PDE4D: variants seen among roughly 807,000 people sequenced by gnomAD.
The protein encoded by PDE4D is phosphodiesterase 4D, also known as 3',5'-cyclic-AMP phosphodiesterase 4D.
In PDE4D, 24 loss-of-function variants were observed where a neutral mutation model predicts 87.4. The ratio of observed to expected loss-of-function variants is 0.27; its 90% CI spans 0.20 to 0.39. The LOEUF (loss-of-function observed/expected upper bound fraction) is 0.39. PDE4D is among the 10% of genes least tolerant of loss of function. The pLI is 1.00. For missense variants in PDE4D, 714 were observed against 1,041.0 expected (o/e 0.69, Z 4.32); for synonymous variants, 384 against 383.2 (o/e 1.00, Z -0.02).
chr5:60,152,650 C>G (rs1388287815), intron 2 of PDE4D, among the ~76,000 whole-genome samples: 1 of 68,222 alleles, frequency 1.5e-5, no homozygotes, highest in Admixed American at 1.5e-4. Context: ...AAGACTCTGT[C>G]TCAAAAAAAA....
intron 1 of PDE4D, among the ~76,000 whole-genome samples, chr5:60,334,503 G>C (rs1321197960): frequency 6.6e-6 from 1 of 152,106 alleles, no homozygotes; most frequent in African/African-American, 2.4e-5. Context: ...CTAAGCATCA[G>C]GATTTCTGAG....
rs540943640 is a variant in PDE4D, at chr5:59,966,637, C to T, written c.272+21851G>A. 1.5e-3 allele frequency among the ~76,000 whole-genome samples: 223 copies of T among 152,218 alleles called. 2 individuals are homozygous for T. Among genetic ancestry groups the T allele is most frequent in the Non-Finnish European group, 2.2e-3 (152 of 68,006 alleles). The stretch of plus-strand genomic sequence containing the variant: ...AATGGTACAGATGTTTCAACTGATG[C>T]CAATTTTATTTTTGCAAATGTCATC... On this transcript the variant is annotated intron_variant, in intron 3 of 16. Transcript: ENST00000502484.
chr5:59,800,934 G>C (rs920315245), intron 1 of PDE4D, among the ~76,000 whole-genome samples: 5 of 152,208 alleles, frequency 3.3e-5, no homozygotes, highest in African/African-American at 1.2e-4. Flanking sequence ...ATCTCTAAGT[G>C]AGGATGATGA....
At chr5:59,799,051 A>AC (rs1766823279) in intron 1 of PDE4D, among the ~76,000 whole-genome samples, 1 of 152,076 alleles carries the variant, frequency 6.6e-6, no homozygotes, top group South Asian at 2.1e-4. Flanking sequence ...ACCCCAGTTG[A>AC]CCCCCAGGGG....
intron 2 of PDE4D, among the ~76,000 whole-genome samples, chr5:60,030,642 C>T (rs1379632221): frequency 6.6e-6 from 1 of 152,116 alleles, no homozygotes; most frequent in South Asian, 2.1e-4. Flanking sequence ...AAAATAAACT[C>T]GCTCCCTATT....
chr5:59,748,607 C>A (rs1759969588), intron 1 of PDE4D, among the ~76,000 whole-genome samples: 1 of 135,980 alleles, frequency 7.4e-6, no homozygotes, highest in Non-Finnish European at 1.5e-5. Context: ...ACAATGAGAA[C>A]ACTTGGACAC....
At chr5:60,477,065 G>A (rs987506499) in intron 1 of PDE4D, among the ~76,000 whole-genome samples, 8 of 152,226 alleles carry the variant, frequency 5.3e-5, no homozygotes, top group East Asian at 3.9e-4. Flanking sequence ...TTTAAAATAC[G>A]TCCAGTTTGA....
intron 6 of PDE4D, among the ~76,000 whole-genome samples, chr5:59,037,275 A>G (rs548289449): frequency 4.6e-4 from 70 of 152,174 alleles, no homozygotes; most frequent in Admixed American, 8.5e-4. Context: ...GAAAATATAC[A>G]CTAATGCTTG....
intron 1 of PDE4D, among the ~76,000 whole-genome samples, chr5:60,335,852 A>G (rs1263887438): frequency 2.0e-5 from 3 of 152,224 alleles, no homozygotes; most frequent in African/African-American, 7.2e-5. Flanking sequence ...GGTAAGTTAG[A>G]GAATCTTTGT....
In PDE4D at chr5:59,117,501, T is replaced by C. The variant is rs988467072; in HGVS notation, c.808+63094A>G. Among the ~76,000 whole-genome samples, 18 of 152,120 alleles carry C rather than the reference T, an allele frequency of 1.2e-4. No homozygotes were observed. In the East Asian group the frequency reaches 1.3e-3, roughly 11 times the overall value. On this transcript the variant is annotated intron_variant, in intron 5 of 14. Coordinates refer to ENST00000340635, the MANE Select transcript of PDE4D (RefSeq NM_001104631.2). ...TCACGGTGGGAGTGTTTGTTCCTTT[T>C]TATTTACATTTCTTATCTATAAGTC...
intron 3 of PDE4D, among the ~76,000 whole-genome samples, chr5:59,911,436 G>A (rs998303752): frequency 5.3e-5 from 8 of 151,866 alleles, no homozygotes; most frequent in African/African-American, 9.7e-5. Flanking sequence ...ATCTCCCACC[G>A]AACCAATCAG....
chr5:59,621,305 A>T (rs773950287), intron 1 of PDE4D, among the ~76,000 whole-genome samples: 67 of 152,188 alleles, frequency 4.4e-4, no homozygotes, highest in Non-Finnish European at 9.1e-4. Flanking sequence ...TCACACAAAA[A>T]AAGCTAAAAA....
At chr5:59,348,007 A>T (rs1426956566) in intron 1 of PDE4D, among the ~76,000 whole-genome samples, 1 of 151,926 alleles carries the variant, frequency 6.6e-6, no homozygotes, top group Non-Finnish European at 1.5e-5. Flanking sequence ...TATTTTATTT[A>T]TTGTTAACTT....
At chr5:59,251,649 C>T (rs1316307665) in intron 1 of PDE4D, among the ~76,000 whole-genome samples, 3 of 152,050 alleles carry the variant, frequency 2.0e-5, no homozygotes, top group South Asian at 2.1e-4. Flanking sequence ...GCAGAACTAC[C>T]GTTTGACCAT....
At chr5:60,224,815 T>C (rs1256144998) in intron 1 of PDE4D, among the ~76,000 whole-genome samples, 2 of 152,174 alleles carry the variant, frequency 1.3e-5, no homozygotes, top group Non-Finnish European at 2.9e-5. Context: ...TGTCCCTTCA[T>C]GGGAGGTAGA....
intron 1 of PDE4D, among the ~76,000 whole-genome samples, chr5:59,878,834 A>T (rs1209245510): frequency 6.6e-6 from 1 of 151,218 alleles, no homozygotes; most frequent in Non-Finnish European, 1.5e-5. Context: ...TAAACACCTA[A>T]ATCACACCTT....
At chr5:59,585,170 G>A (rs768347855) in intron 1 of PDE4D, among the ~76,000 whole-genome samples, 25 of 152,174 alleles carry the variant, frequency 1.6e-4, no homozygotes, top group Non-Finnish European at 1.2e-4. Context: ...ATCGACTCTG[G>A]ATGGATCTGG....
intron 1 of PDE4D, among the ~76,000 whole-genome samples, chr5:60,241,956 A>G (rs1435997175): frequency 6.6e-6 from 1 of 152,190 alleles, no homozygotes; most frequent in Admixed American, 6.5e-5. Flanking sequence ...TATGTCTGTC[A>G]GCAGACTTTT....
chr5:59,880,018 C>T (rs1376824183), intron 1 of PDE4D, among the ~76,000 whole-genome samples: 2 of 152,192 alleles, frequency 1.3e-5, no homozygotes, highest in East Asian at 1.9e-4. Flanking sequence ...GCATTGCAAG[C>T]GTGAGCCACT....
Sources: allele counts gnomAD v4.1 joint callset (sites outside exome capture counted in the v4.1 genomes callset), GRCh38; gene constraint gnomAD v4.1.1; transcripts MANE v1.5; gene names NCBI Gene and HGNC (gene_info 2026-07-23, HGNC 2026-07-21).